MXD4: variants seen among roughly 807,000 people sequenced by gnomAD.
MXD4 encodes the protein Mad4 homolog.
MXD4 carries 16 observed loss-of-function variants against 24.5 expected under a neutral mutation model. The ratio of observed to expected loss-of-function variants is 0.65; its 90% confidence interval spans 0.44 to 0.99. MXD4 has a LOEUF of 0.99. Ranked by LOEUF, MXD4 falls within the 50% of genes least tolerant of loss-of-function variation. MXD4 has a pLI of 0.00. For synonymous variants in MXD4, 164 were observed against 134.2 expected (o/e 1.22, Z -1.54); for missense variants, 301 against 301.5 (o/e 1.00, Z 0.01).
chr4:2,257,869 T>C, intron 3 of MXD4, 113 bp downstream of exon 3: 1 of 1,385,678 alleles, frequency 7.2e-7, no homozygotes, highest in Non-Finnish European at 1.0e-6. Context: ...GGACACAGCC[T>C]GGCAGCACGG....
intron 3 of MXD4, among the ~76,000 whole-genome samples, chr4:2,256,967 T>G (rs1019772953): frequency 6.6e-6 from 1 of 152,202 alleles, no homozygotes. Context: ...ATTCCAGGCC[T>G]GCCTGGTTCT....
rs184476208 is a variant in MXD4 at position 2,260,430 on chromosome 4, C to G, written c.164+1295G>C. On this transcript the variant is annotated intron_variant, in intron 2 of 5. Coordinates refer to ENST00000337190, the MANE Select transcript of MXD4 (RefSeq NM_006454.3). ...GCTCAGCATAGAGGCAGTGTTCGGG[C>G]AGCCTTGGCCAGGACGCTGGTTGTC... is the stretch of plus-strand genomic sequence containing the variant. 5.6e-4 allele frequency: 219 copies of G among 392,364 alleles called. 1 individual carries two copies. The highest frequency in any genetic ancestry group is 1.1e-4 in the Non-Finnish European group (22 of 192,250). 24.3% of individuals were successfully genotyped at this position (392,364 alleles called of 1,614,324 possible). A position where few individuals can be genotyped will look rare whatever the true frequency, so the allele number is the denominator to read the frequency against.
intron 2 of MXD4, among the ~76,000 whole-genome samples, chr4:2,261,335 G>A (rs931262734): frequency 2.1e-4 from 32 of 152,294 alleles, no homozygotes; most frequent in African/African-American, 7.2e-4. Context: ...GGCAGCCCCC[G>A]CAGACCCTGG....
intron 3 of MXD4, among the ~76,000 whole-genome samples, chr4:2,256,907 G>C (rs1004754336): frequency 5.9e-5 from 9 of 151,808 alleles, no homozygotes; most frequent in Non-Finnish European, 1.0e-4. Flanking sequence ...TGCCTGCCCC[G>C]GCTCCTGGGT....
At chr4:2,254,576 G>C (rs888325706) in intron 3 of MXD4, 2 of 152,156 alleles carry the variant, frequency 1.3e-5, no homozygotes, top group East Asian at 1.9e-4. Flanking sequence ...GAGAGACAAA[G>C]AACAAGTAGA....
At chr4:2,255,017 C>T (rs992466923) in intron 3 of MXD4, 3 of 342,568 alleles carry the variant, frequency 8.8e-6, no homozygotes, top group Non-Finnish European at 1.7e-5. Context: ...CAAGGCACAT[C>T]GCAGGACTGT....
intron 2 of MXD4, among the ~76,000 whole-genome samples, chr4:2,259,603 T>C (rs1471553394): frequency 6.6e-6 from 1 of 152,018 alleles, no homozygotes; most frequent in Admixed American, 6.5e-5. Context: ...TGCCTACCCC[T>C]TGAAGGGTGG....
At chr4:2,261,702 G>C in intron 2 of MXD4, 23 bp downstream of exon 2, 1 of 1,318,214 alleles carries the variant, frequency 7.6e-7, no homozygotes, top group Non-Finnish European at 9.8e-7. Context: ...GGGCCGGGCG[G>C]GGTCGGGAGC....
In MXD4 at chr4:2,251,013, C is replaced by T; in HGVS notation, c.472+71G>A. Reference sequence around the variant, plus strand: ...CCAGCCCCAGCACCAGGCACCTCCTCTCCACCCAGGGAGCTGCACCACTGC... The same window carrying T: ...CCAGCCCCAGCACCAGGCACCTCCTTTCCACCCAGGGAGCTGCACCACTGC... On this transcript the variant is annotated intron_variant, in intron 5 of 5. Coordinates refer to ENST00000337190, the MANE Select transcript of MXD4 (RefSeq NM_006454.3). The T allele has an allele frequency of 6.2e-6, 9 of 1,447,688 alleles. No individual in the cohort carries two copies. In the South Asian group the frequency reaches 1.3e-4, roughly 20 times the overall value. 89.7% of individuals were successfully genotyped at this position (1,447,688 alleles called of 1,614,324 possible).
At position 2,250,622 on chromosome 4, in the gene MXD4, G is replaced by GT; in HGVS notation, c.551dup (p.Tyr184Ter). 1.2e-6 allele frequency: 2 copies of GT among 1,613,396 alleles called. No homozygotes were observed. The highest frequency in any genetic ancestry group is 1.7e-6 in the Non-Finnish European group (2 of 1,179,946). The change falls in exon 6 of 6, where the codon TAC (tyrosine) becomes TAAC (stop). Residue 184 changes from tyrosine (Y) to a stop codon, truncating the protein, a stop_gained and frameshift_variant. Coordinates refer to ENST00000337190, the MANE Select transcript of MXD4 (RefSeq NM_006454.3). LOFTEE classifies it high-confidence loss of function. ...CGCCGCCGGTGCCACTCTGCAGGCT[G>GT]TAGTGGTCGTCCGCGTCACTGCTGC... ...VGSSSDADDH[Y>*]SLQSGTGGDS... is the part of the protein sequence containing the mutation.
At chr4:2,252,091 C>G (rs902737299) in intron 4 of MXD4, among the ~76,000 whole-genome samples, 2 of 152,170 alleles carry the variant, frequency 1.3e-5, no homozygotes, top group Non-Finnish European at 2.9e-5. Flanking sequence ...GCCCAGGACC[C>G]CAGAGAGCAA....
At chr4:2,261,703 G>C in intron 2 of MXD4, 22 bp downstream of exon 2, 4 of 1,322,172 alleles carry the variant, frequency 3.0e-6, no homozygotes, top group Non-Finnish European at 3.9e-6. Context: ...GGCCGGGCGG[G>C]GTCGGGAGCG....
intron 5 of MXD4, 115 bp downstream of exon 5, chr4:2,250,969 G>A: frequency 7.6e-7 from 1 of 1,316,720 alleles, no homozygotes; most frequent in Admixed American, 2.9e-5. Flanking sequence ...AGTGCAGCAG[G>A]GAGCTGGGAG....
At chr4:2,258,319 G>C (rs968453233) in intron 2 of MXD4, among the ~76,000 whole-genome samples, 1 of 152,194 alleles carries the variant, frequency 6.6e-6, no homozygotes, top group African/African-American at 2.4e-5. Context: ...GCAGGGGCCA[G>C]CCTTGCTTAC....
chr4:2,260,488 G>A (rs1735517268), intron 2 of MXD4: 1 of 449,910 alleles, frequency 2.2e-6, no homozygotes, highest in African/African-American at 2.0e-5. Flanking sequence ...GGGAGCCCCA[G>A]CTCACGCCCC....
intron 3 of MXD4, among the ~76,000 whole-genome samples, chr4:2,257,739 C>A (rs374912936): frequency 1.4e-4 from 22 of 152,358 alleles, no homozygotes; most frequent in African/African-American, 4.6e-4. Flanking sequence ...CATCTCTCAC[C>A]CCCACCTGGA....
intron 4 of MXD4, among the ~76,000 whole-genome samples, 192 bp downstream of exon 4, chr4:2,252,216 G>A (rs1735337638): frequency 6.6e-6 from 1 of 152,172 alleles, no homozygotes; most frequent in Non-Finnish European, 1.5e-5. Context: ...CCCCTTGGCA[G>A]CTCCTGTTGC....
At chr4:2,256,135 C>T (rs1263545848) in intron 3 of MXD4, among the ~76,000 whole-genome samples, 5 of 152,182 alleles carry the variant, frequency 3.3e-5, no homozygotes, top group African/African-American at 7.2e-5. Flanking sequence ...TGCCATTCAG[C>T]GGCTGTCAAG....
Position 2,249,776 on chromosome 4 carries a change from G to A in MXD4, c.*768C>T, listed in dbSNP as rs1735274792. 6.6e-6 allele frequency: 1 copy of A among 152,388 alleles called. No individual in the cohort carries two copies. Among genetic ancestry groups the A allele is most frequent in the Admixed American group, 6.5e-5 (1 of 15,286 alleles). The allele number at this position is 152,388 out of a possible 1,614,324, so 9.4% of individuals were successfully genotyped here. ...GGCACAGCCCAGGGGCTGTTTGCCA[G>A]ATGACCCCTGAAGGCCATCATCCCC... On this transcript the variant is annotated 3_prime_UTR_variant, in exon 6 of 6. Coordinates refer to ENST00000337190, the MANE Select transcript of MXD4 (RefSeq NM_006454.3).
Sources: gnomAD v4.1 joint callset for allele counts (sites outside exome capture counted in the v4.1 genomes callset) on GRCh38, gnomAD v4.1.1 for gene constraint, MANE v1.5 for transcripts, NCBI Gene and HGNC (gene_info 2026-07-23, HGNC 2026-07-21) for gene names.